IQGAP2: variants seen among roughly 807,000 people sequenced by gnomAD.
The protein encoded by IQGAP2 is ras GTPase-activating-like protein IQGAP2.
A neutral mutation model predicts 201.3 loss-of-function variants in IQGAP2; 173 were observed. That is an observed-to-expected ratio of 0.86 (90% CI 0.76 to 0.98). IQGAP2 has a LOEUF of 0.98. Ranked by LOEUF, IQGAP2 falls within the 50% of genes least tolerant of loss-of-function variation. IQGAP2 has a pLI of 0.00. For synonymous variants in IQGAP2, 675 were observed against 673.9 expected (o/e 1.00, Z -0.03); for missense variants, 1,687 against 1,864.8 (o/e 0.90, Z 1.76).
intron 1 of IQGAP2, among the ~76,000 whole-genome samples, chr5:76,414,516 A>G (rs1247038777): frequency 6.6e-6 from 1 of 152,194 alleles, no homozygotes; most frequent in Non-Finnish European, 1.5e-5. Flanking sequence ...ACAAAGATAC[A>G]TTTATTTGTA....
intron 13 of IQGAP2, chr5:76,617,973 C>T (rs1432155006): frequency 6.2e-7 from 1 of 1,614,116 alleles, no homozygotes; most frequent in Middle Eastern, 1.7e-4. Flanking sequence ...AACATCATGG[C>T]AGGTGGTGAT....
intron 31 of IQGAP2, among the ~76,000 whole-genome samples, chr5:76,694,151 G>A (rs1746516223): frequency 6.6e-6 from 1 of 152,138 alleles, no homozygotes. Context: ...AAATATAAAA[G>A]GCTGGGCATG....
chr5:76,438,272 T>C (rs1303889857), intron 1 of IQGAP2, among the ~76,000 whole-genome samples: 1 of 152,090 alleles, frequency 6.6e-6, no homozygotes, highest in East Asian at 1.9e-4. Flanking sequence ...GTTCTTGTTA[T>C]TGGTCTTTTC....
intron 16 of IQGAP2, among the ~76,000 whole-genome samples, chr5:76,639,040 T>C (rs1438676319): frequency 6.6e-6 from 1 of 152,216 alleles, no homozygotes; most frequent in African/African-American, 2.4e-5. Flanking sequence ...AAAGAATGTG[T>C]AGAACTGCGA....
At chr5:76,614,537 T>G (rs1251877172) in intron 13 of IQGAP2, among the ~76,000 whole-genome samples, 2 of 152,118 alleles carry the variant, frequency 1.3e-5, no homozygotes, top group Non-Finnish European at 1.5e-5. Flanking sequence ...CAGCCTGTTC[T>G]TTTTTCTTGG....
chr5:76,628,028 C>T (rs1360305142), intron 14 of IQGAP2, among the ~76,000 whole-genome samples: 1 of 152,106 alleles, frequency 6.6e-6, no homozygotes, highest in East Asian at 1.9e-4. Flanking sequence ...AGTCATGGAC[C>T]CTCAATCAGT....
At chr5:76,592,176 C>G (rs1746707445) in intron 8 of IQGAP2, among the ~76,000 whole-genome samples, 1 of 152,162 alleles carries the variant, frequency 6.6e-6, no homozygotes, top group Admixed American at 6.5e-5. Flanking sequence ...CTTGTGTTAA[C>G]CCACCAGAGA....
chr5:76,488,085 G>A (rs1756281466), intron 2 of IQGAP2, among the ~76,000 whole-genome samples: 1 of 152,222 alleles, frequency 6.6e-6, no homozygotes, highest in African/African-American at 2.4e-5. Flanking sequence ...CTTGGGGAAT[G>A]ATACCAAGTC....
rs1318541062 is a variant in IQGAP2, at chr5:76,610,096, A to C, written c.1358-924A>C. 6.9e-3 allele frequency among the ~76,000 whole-genome samples: 79 copies of C among 11,484 alleles called. 2 individuals are homozygous for C. The highest frequency in any genetic ancestry group is 0.014 in the African/African-American group (55 of 3,924). 7.5% of individuals were successfully genotyped at this position (11,484 alleles called of 152,430 possible). A position where few individuals can be genotyped will look rare whatever the true frequency, so the allele number is the denominator to read the frequency against. ...TCTCTCTATATATATATATATATATATATATATATATATATATATTTTTTT... is the reference window on the plus strand; with the variant it reads ...TCTCTCTATATATATATATATATATCTATATATATATATATATATTTTTTT... On this transcript the variant is annotated intron_variant, in intron 12 of 35. Coordinates refer to ENST00000274364, the MANE Select transcript of IQGAP2 (RefSeq NM_006633.5).
intron 12 of IQGAP2, chr5:76,607,524 G>A (rs754731197): frequency 1.3e-5 from 2 of 152,188 alleles, no homozygotes; most frequent in African/African-American, 2.4e-5. Context: ...CTTCCCTGTT[G>A]CCTCTGCATT....
chr5:76,597,282 T>G (rs758107741), intron 9 of IQGAP2, 157 bp from the exon 10 acceptor site: 38 of 663,014 alleles, frequency 5.7e-5, no homozygotes, highest in Non-Finnish European at 9.5e-5. Flanking sequence ...ATTACTGAGA[T>G]AACATTTTCA....
intron 2 of IQGAP2, among the ~76,000 whole-genome samples, chr5:76,524,728 T>C (rs1464920869): frequency 6.6e-6 from 1 of 152,234 alleles, no homozygotes; most frequent in African/African-American, 2.4e-5. Context: ...AACTAGGGCA[T>C]TCACATTCTT....
intron 2 of IQGAP2, among the ~76,000 whole-genome samples, chr5:76,560,038 T>G (rs1035624525): frequency 1.3e-5 from 2 of 152,252 alleles, no homozygotes; most frequent in African/African-American, 2.4e-5. Flanking sequence ...AAAGTTTATG[T>G]TAATCTTTCT....
chr5:76,527,800 C>G (rs1759056626), intron 2 of IQGAP2, among the ~76,000 whole-genome samples: 1 of 152,222 alleles, frequency 6.6e-6, no homozygotes, highest in African/African-American at 2.4e-5. Flanking sequence ...CATGTCTTGG[C>G]TGTTTGCAGT....
At chr5:76,673,802 T>A in intron 25 of IQGAP2, 150 bp from the exon 26 acceptor site, 1 of 680,028 alleles carries the variant, frequency 1.5e-6, no homozygotes, top group South Asian at 1.9e-5. Flanking sequence ...TTATCATCAG[T>A]GGAAGTCCTG....
At chr5:76,526,037 C>T (rs1365875267) in intron 2 of IQGAP2, among the ~76,000 whole-genome samples, 1 of 152,200 alleles carries the variant, frequency 6.6e-6, no homozygotes, top group Non-Finnish European at 1.5e-5. Flanking sequence ...CTGTCCCAGT[C>T]CCCAAAACAA....
chr5:76,576,209 T>C (rs973427937), intron 5 of IQGAP2, among the ~76,000 whole-genome samples: 2 of 100,974 alleles, frequency 2.0e-5, no homozygotes, highest in Non-Finnish European at 3.8e-5. Context: ...ATTAAGAAAA[T>C]AGAGGTAAGA....
chr5:76,527,716 C>T (rs1399972309), intron 2 of IQGAP2, among the ~76,000 whole-genome samples: 1 of 152,202 alleles, frequency 6.6e-6, no homozygotes, highest in Non-Finnish European at 1.5e-5. Flanking sequence ...AATTTGACAA[C>T]TATGTGGCAT....
intron 30 of IQGAP2, among the ~76,000 whole-genome samples, chr5:76,692,033 A>G (rs1039787367): frequency 6.6e-6 from 1 of 152,266 alleles, no homozygotes; most frequent in Non-Finnish European, 1.5e-5. Context: ...AGTTAAATGC[A>G]ATAACGGGAC....
Sources: gnomAD v4.1 joint callset for allele counts (sites outside exome capture counted in the v4.1 genomes callset) on GRCh38, gnomAD v4.1.1 for gene constraint, MANE v1.5 for transcripts, NCBI Gene and HGNC (gene_info 2026-07-23, HGNC 2026-07-21) for gene names.